The following SLC12A1 variants were observed in gnomAD, a reference collection of about 807,000 sequenced individuals.
SLC12A1 encodes Na-K-2Cl cotransporter.
Under a neutral mutation model 130.4 loss-of-function variants are expected in SLC12A1, and 89 were observed. The ratio of observed to expected loss-of-function variants is 0.68; its 90% CI spans 0.58 to 0.81. The LOEUF (loss-of-function observed/expected upper bound fraction) is 0.81. Ranked by LOEUF, SLC12A1 falls within the 40% of genes least tolerant of loss-of-function variation. The probability of loss-of-function intolerance (pLI) is 0.00; values close to 1 mark genes in which losing one functional copy is unlikely to be tolerated. For missense variants in SLC12A1, 1,310 were observed against 1,336.4 expected (o/e 0.98, Z 0.31); for synonymous variants, 499 against 460.0 (o/e 1.08, Z -1.09).
intron 20 of SLC12A1, among the ~76,000 whole-genome samples, chr15:48,275,874 G>A: frequency 1.3e-5 from 2 of 152,232 alleles, no homozygotes; most frequent in Admixed American, 1.3e-4. Flanking sequence ...TTCAAATGAG[G>A]GAATAAGGTG....
chr15:48,302,021 C>A (rs979542814), intron 26 of SLC12A1, among the ~76,000 whole-genome samples: 10 of 152,114 alleles, frequency 6.6e-5, no homozygotes, highest in Admixed American at 5.2e-4. Context: ...GGACAACTAT[C>A]CATCAAAGAC....
chr15:48,287,978 T>C (rs2042076992), intron 21 of SLC12A1, 65 bp from the exon 22 acceptor site: 1 of 1,549,906 alleles, frequency 6.5e-7, no homozygotes, highest in Admixed American at 1.9e-5. Flanking sequence ...ACTAGATTGA[T>C]TGGAAAGTTA....
At chr15:48,295,101 AG>A (rs2042164001) in intron 24 of SLC12A1, among the ~76,000 whole-genome samples, 1 of 149,812 alleles carries the variant, frequency 6.7e-6, no homozygotes, top group Non-Finnish European at 1.5e-5. Context: ...TGTAAAGAAA[AG>A]TCTCACTATG....
chr15:48,269,334 G>T (rs927344527), intron 18 of SLC12A1, among the ~76,000 whole-genome samples: 2 of 152,152 alleles, frequency 1.3e-5, no homozygotes, highest in African/African-American at 4.8e-5. Flanking sequence ...GTTACAACAT[G>T]CATACCAACA....
intron 20 of SLC12A1, among the ~76,000 whole-genome samples, chr15:48,278,391 G>A (rs964704950): frequency 4.6e-5 from 7 of 152,200 alleles, no homozygotes; most frequent in African/African-American, 1.7e-4. Context: ...GCTTACCCAA[G>A]ATTCACAAGG....
chr15:48,241,403 A>T, intron 9 of SLC12A1, 112 bp from the exon 10 acceptor site: 1 of 828,796 alleles, frequency 1.2e-6, no homozygotes. Context: ...TTTTCTTAGA[A>T]CTTGCCTCAG....
Position 48,274,591 on chromosome 15 carries a change from T to C in SLC12A1, c.2423T>C (p.Ile808Thr), listed in dbSNP as rs762333842. 7 of 1,612,974 alleles carry C rather than the reference T, an allele frequency of 4.3e-6. No homozygotes were observed. The highest frequency in any genetic ancestry group is 1.7e-4 in the Middle Eastern group (1 of 6,058). The change falls in exon 20 of 27, where the codon ATT becomes ACT. Residue 808 changes from isoleucine (I) to threonine (T), a missense_variant. Coordinates refer to ENST00000380993, the MANE Select transcript of SLC12A1 (RefSeq NM_000338.3). ...GIIHDAFDFEIGVVIVRISQG... is the reference protein window; with the variant it reads ...GIIHDAFDFETGVVIVRISQG... ...TTCAGTGATGCATTTGATTTTGAGATTGGCGTGGTTATAGTCAGAATCAGC... is the reference window on the plus strand; with the variant it reads ...TTCAGTGATGCATTTGATTTTGAGACTGGCGTGGTTATAGTCAGAATCAGC...
intron 5 of SLC12A1, 58 bp downstream of exon 5, chr15:48,226,629 T>G: frequency 1.0e-6 from 1 of 1,003,376 alleles, no homozygotes; most frequent in Middle Eastern, 2.0e-4. Flanking sequence ...GCGAACAATT[T>G]TTTATACTTC....
intron 2 of SLC12A1, among the ~76,000 whole-genome samples, chr15:48,209,164 C>T (rs527469644): frequency 2.0e-4 from 31 of 152,282 alleles, no homozygotes; most frequent in African/African-American, 6.3e-4. Flanking sequence ...TGGGTTCAAG[C>T]GATTCTTCTG....
At chr15:48,246,808 T>G (rs547800269) in intron 11 of SLC12A1, 101 bp from the exon 12 acceptor site, 51 of 837,658 alleles carry the variant, frequency 6.1e-5, no homozygotes, top group Non-Finnish European at 9.3e-5. Context: ...AAAAGGAATG[T>G]GAGAATGAAG....
At position 48,207,889 on chromosome 15, in the gene SLC12A1, G is replaced by C. The variant is rs141683652; in HGVS notation, c.170G>C (p.Arg57Thr). Reference protein sequence around the residue: ...ETSFGDEAQKRLRISFRPGNQ... With the variant: ...ETSFGDEAQKTLRISFRPGNQ... ...TCTTTTGGGGATGAAGCTCAGAAAAGACTCAGAATCAGCTTTAGGCCTGGG... is the reference window on the plus strand; with the variant it reads ...TCTTTTGGGGATGAAGCTCAGAAAACACTCAGAATCAGCTTTAGGCCTGGG... Residue 57 changes from arginine to threonine, a missense_variant, in exon 2 of 27, where the codon AGA becomes ACA. Physicochemically the swap from Arg to Thr is moderately conservative, Grantham distance 71. Transcript: ENST00000380993. The C allele has an allele frequency of 2.9e-5, 46 of 1,614,006 alleles. No homozygotes were observed. In the African/African-American group the frequency reaches 6.0e-4, roughly 21 times the overall value.
At position 48,251,642 on chromosome 15, in the gene SLC12A1, A is replaced by C; in HGVS notation, c.1814A>C (p.Asn605Thr). 6.2e-7 allele frequency: 1 copy of C among 1,613,882 alleles called. No homozygotes were observed. The highest frequency in any genetic ancestry group is 8.5e-7 in the Non-Finnish European group (1 of 1,179,788). The change falls in exon 15 of 27, where the codon AAC becomes ACC. Residue 605 changes from asparagine to threonine, a missense_variant. By Grantham distance (65) the Asn-to-Thr change is moderately conservative. Coordinates refer to ENST00000380993, the MANE Select transcript of SLC12A1 (RefSeq NM_000338.3). ...TGGAGACCTGCGTATGGAATTTACA[A>C]CATGTGGGTATCTCTTTTTGGAGCT... ...PGWRPAYGIY[N>T]MWVSLFGAVL...
At chr15:48,212,271 G>A (rs2041060589) in intron 2 of SLC12A1, among the ~76,000 whole-genome samples, 1 of 151,966 alleles carries the variant, frequency 6.6e-6, no homozygotes, top group East Asian at 1.9e-4. Context: ...TTCTCTCCAG[G>A]ACAATCATTA....
In SLC12A1 at chr15:48,220,647, C is replaced by A. The variant is rs2041199987; in HGVS notation, c.434C>A (p.Thr145Asn). The part of the protein sequence containing the change: ...HEQLAKNVAV[T>N]PSSADRVANG... ...TATAAAATGCAGAATGTGGCAGTCA[C>A]CCCAAGTTCAGCTGACAGAGTTGCT... Residue 145 changes from threonine to asparagine, a missense_variant, in exon 3 of 27, where the codon ACC becomes AAC. Coordinates refer to ENST00000380993, the MANE Select transcript of SLC12A1 (RefSeq NM_000338.3). The A allele has an allele frequency of 2.5e-6, 4 of 1,613,110 alleles. No individual in the cohort carries two copies. Among genetic ancestry groups the A allele is most frequent in the African/African-American group, 1.3e-5 (1 of 74,896 alleles).
chr15:48,250,071 A>G (rs2041629268), intron 14 of SLC12A1, among the ~76,000 whole-genome samples: 1 of 152,196 alleles, frequency 6.6e-6, no homozygotes, highest in Non-Finnish European at 1.5e-5. Flanking sequence ...GAAGAGAAGG[A>G]TGAGTAGTTC....
chr15:48,262,880 A>G (rs534975399), intron 17 of SLC12A1, among the ~76,000 whole-genome samples: 12 of 152,282 alleles, frequency 7.9e-5, no homozygotes, highest in African/African-American at 2.9e-4. Flanking sequence ...TATTAGTTAA[A>G]AGTTGCAAGT....
chr15:48,301,999 G>C (rs914086742), intron 26 of SLC12A1, among the ~76,000 whole-genome samples: 1 of 152,100 alleles, frequency 6.6e-6, no homozygotes, highest in East Asian at 1.9e-4. Context: ...ATATCTTCAC[G>C]TAGTGTAGAC....
At position 48,301,402 on chromosome 15, in the gene SLC12A1, T is replaced by C. The variant is rs182844368; in HGVS notation, c.3164+20T>C. 20 of 1,507,318 alleles carry C rather than the reference T, an allele frequency of 1.3e-5. No individual in the cohort carries two copies. The highest frequency in any genetic ancestry group is 2.4e-5 in the East Asian group (1 of 41,832). 93.4% of individuals were successfully genotyped at this position (1,507,318 alleles called of 1,614,324 possible). A position where few individuals can be genotyped will look rare whatever the true frequency, so the allele number is the denominator to read the frequency against. ...TGTCCTGTAAGTATCATTGCAAGCA[T>C]TGAAGAACATTAGAAATAAATCTTA... On this transcript the variant is annotated intron_variant, in intron 26 of 26. Transcript: ENST00000380993.
In SLC12A1 at chr15:48,302,900, G is replaced by C; in HGVS notation, c.*15G>C. 2 of 1,581,462 alleles carry C rather than the reference G, an allele frequency of 1.3e-6. No homozygotes were observed. Among genetic ancestry groups the C allele is most frequent in the Non-Finnish European group, 1.7e-6 (2 of 1,152,764 alleles). ...TTTACTCTTAAAACATGAAAGATTG[G>C]AATACATTTTAACTTAATGTAATGC... On this transcript the variant is annotated 3_prime_UTR_variant, in exon 27 of 27. Coordinates refer to ENST00000380993, the MANE Select transcript of SLC12A1 (RefSeq NM_000338.3).
Sources: gnomAD v4.1 joint callset for allele counts (sites outside exome capture counted in the v4.1 genomes callset) on GRCh38, gnomAD v4.1.1 for gene constraint, MANE v1.5 for transcripts, NCBI Gene and HGNC (gene_info 2026-07-23, HGNC 2026-07-21) for gene names.